The following PGGHG variants were observed in gnomAD, a reference collection of about 807,000 sequenced individuals.
PGGHG encodes the protein protein-glucosylgalactosylhydroxylysine glucosidase, also known as ATH1, acid trehalase-like 1.
PGGHG carries 67 observed loss-of-function variants against 74.5 expected under a neutral mutation model. The observed-to-expected ratio is 0.90, with a 90% CI of 0.74 to 1.10. The LOEUF (loss-of-function observed/expected upper bound fraction) is 1.10. Among genes scored for constraint, PGGHG ranks in the 50% least tolerant of loss-of-function variants. The pLI is 0.00. For synonymous variants in PGGHG, 496 were observed against 419.9 expected, an observed-to-expected ratio of 1.18 and a Z score of -2.21; for missense variants, 1,034 against 981.5, an observed-to-expected ratio of 1.05 and a Z score of -0.72.
chr11:291,150 G>A (rs1845708902), intron 4 of PGGHG, 37 bp downstream of exon 4: 1 of 1,524,830 alleles, frequency 6.6e-7, no homozygotes, highest in Non-Finnish European at 8.8e-7. Context: ...CACACAGCAG[G>A]CGACACATGG....
At position 289,473 on chromosome 11, in the gene PGGHG, C is replaced by G. The variant is rs930717283; in HGVS notation, c.-14+234C>G. 8.7e-5 allele frequency: 21 copies of G among 240,428 alleles called. No individual in the cohort carries two copies. Among genetic ancestry groups the G allele is most frequent in the Non-Finnish European group, 5.7e-5 (7 of 123,178 alleles). 14.9% of individuals were successfully genotyped at this position (240,428 alleles called of 1,614,324 possible). A position where few individuals can be genotyped will look rare whatever the true frequency, so the allele number is the denominator to read the frequency against. ...ACGTGCCACCAACAGACGCAGGTCC[C>G]GACCACAGAGGGTGGGGGCAAGACC... On this transcript the variant is annotated intron_variant, in intron 1 of 13. Coordinates refer to ENST00000409548, the MANE Select transcript of PGGHG (RefSeq NM_025092.5). The surrounding 1 kb of genome is among the most constrained non-coding windows in gnomAD (Gnocchi z 5.6).
chr11:293,180 G>A lies in PGGHG; in HGVS notation c.1288G>A (p.Glu430Lys), dbSNP rs770451652. ...YHLRGVMSPD[E>K]YHSGVNNSVY... Reference sequence around the variant, plus strand: ...GTGTCCAGGAGTCATGTCCCCCGACGAGTACCATTCAGGGGTCAACAACTC... The same window carrying A: ...GTGTCCAGGAGTCATGTCCCCCGACAAGTACCATTCAGGGGTCAACAACTC... Residue 430 changes from glutamate to lysine, a missense_variant, in exon 8 of 14, where the codon GAG (glutamate) becomes AAG (lysine). Coordinates refer to ENST00000409548, the MANE Select transcript of PGGHG (RefSeq NM_025092.5). 1.1e-5 allele frequency: 17 copies of A among 1,613,744 alleles called. No individual in the cohort carries two copies. Among genetic ancestry groups the A allele is most frequent in the Admixed American group, 3.3e-5 (2 of 60,004 alleles).
intron 4 of PGGHG, 31 bp downstream of exon 4, chr11:291,144 C>T (rs760514253): frequency 1.3e-6 from 2 of 1,527,172 alleles, no homozygotes; most frequent in Non-Finnish European, 1.8e-6. Flanking sequence ...ACCAGCCACA[C>T]AGCAGGCGAC....
Position 290,467 on chromosome 11 carries a change from G to A in PGGHG, c.337G>A (p.Val113Met), listed in dbSNP as rs1017476805. The change falls in exon 3 of 14, where the codon GTG becomes ATG. Residue 113 changes from valine to methionine, a missense_variant. Physicochemically the swap from Val to Met is conservative, Grantham distance 21. Coordinates refer to ENST00000409548, the MANE Select transcript of PGGHG (RefSeq NM_025092.5). Reference protein sequence around the residue: ...CIYAHRTLPHVLAFRVSIARL... With the variant: ...CIYAHRTLPHMLAFRVSIARL... The stretch of plus-strand genomic sequence containing the variant: ...CTATGCGCATCGCACGCTGCCCCAC[G>A]TGCTGGCTTTCCGAGTGTCCATCGC... 1.2e-5 allele frequency: 18 copies of A among 1,549,832 alleles called. No homozygotes were observed. Among genetic ancestry groups the A allele is most frequent in the South Asian group, 9.5e-5 (8 of 84,054 alleles).
In PGGHG at chr11:293,212, C is replaced by G; in HGVS notation, c.1320C>G (p.Tyr440Ter). 1 of 1,613,766 alleles carries G rather than the reference C, an allele frequency of 6.2e-7. No individual in the cohort carries two copies. ...EYHSGVNNSV[Y>*]TNVLVQNSLR... is the part of the protein sequence containing the mutation. Reference sequence around the variant, plus strand: ...ATTCAGGGGTCAACAACTCTGTGTACACCAACGTCCTGGTCCAGAACAGGT... The same window carrying G: ...ATTCAGGGGTCAACAACTCTGTGTAGACCAACGTCCTGGTCCAGAACAGGT... Residue 440 changes from tyrosine (Y) to a stop codon, truncating the protein, a stop_gained, in exon 8 of 14, where the codon TAC (tyrosine) becomes TAG (stop). Coordinates refer to ENST00000409548, the MANE Select transcript of PGGHG (RefSeq NM_025092.5). LOFTEE classifies it high-confidence loss of function.
At position 293,643 on chromosome 11, in the gene PGGHG, C is replaced by T. The variant is rs904253653; in HGVS notation, c.1530C>T (p.Pro510=). Residue 510 remains proline (P), a synonymous_variant, in exon 10 of 14, where the codon CCC becomes CCT. Transcript: ENST00000409548. ...ADVVLLGYPV[P]FSLSPDVRRK... ...TCGTGCTCCTGGGATACCCAGTCCC[C>T]TTCTCCCTGAGTCCTGATGTTCGCA... is the stretch of plus-strand genomic sequence containing the variant. The T allele has an allele frequency of 6.2e-7, 1 of 1,613,466 alleles. No homozygotes were observed. Among genetic ancestry groups the T allele is most frequent in the East Asian group, 2.2e-5 (1 of 44,896 alleles).
At chr11:293,108 G>A (rs776583068) in intron 7 of PGGHG, 55 bp from the exon 8 acceptor site, 3 of 1,613,930 alleles carry the variant, frequency 1.9e-6, no homozygotes, top group Non-Finnish European at 2.5e-6. Flanking sequence ...CACCGGCGTG[G>A]AGGGAAGGCC....
Position 290,111 on chromosome 11 carries a change from G to A in PGGHG, c.259+36G>A, listed in dbSNP as rs1233676661. On this transcript the variant is annotated intron_variant, in intron 2 of 13. Transcript: ENST00000409548. ...CTGGCCTGCCTCACCCCTGCCCCAGGCATTGTTCCAGGTCGGTGGGGCAAC... is the reference window on the plus strand; with the variant it reads ...CTGGCCTGCCTCACCCCTGCCCCAGACATTGTTCCAGGTCGGTGGGGCAAC... 4 of 1,494,204 alleles carry A rather than the reference G, an allele frequency of 2.7e-6. No homozygotes were observed. The Admixed American group carries it at 8.4e-5, about 31-fold the overall frequency. 92.6% of individuals were successfully genotyped at this position (1,494,204 alleles called of 1,614,324 possible). A position where few individuals can be genotyped will look rare whatever the true frequency, so the allele number is the denominator to read the frequency against.
In PGGHG at chr11:290,748, A is replaced by G; in HGVS notation, c.541A>G (p.Thr181Ala). Residue 181 changes from threonine (T) to alanine (A), a missense_variant, in exon 4 of 14, where the codon ACA becomes GCA. Transcript: ENST00000409548. ...GPQQEVHMLW[T>A]PAPPDLTLGE... Reference sequence around the variant, plus strand: ...ACAGCAAGAGGTACACATGCTGTGGACACCAGCACCCCCAGACCTGACCCT... The same window carrying G: ...ACAGCAAGAGGTACACATGCTGTGGGCACCAGCACCCCCAGACCTGACCCT... 6.2e-7 allele frequency: 1 copy of G among 1,610,984 alleles called. No individual in the cohort carries two copies. Among genetic ancestry groups the G allele is most frequent in the Non-Finnish European group, 8.5e-7 (1 of 1,178,790 alleles).
chr11:293,776 C>G, intron 10 of PGGHG, 49 bp downstream of exon 10: 1 of 1,613,428 alleles, frequency 6.2e-7, no homozygotes, highest in East Asian at 2.2e-5. Flanking sequence ...CCTCAGTCTT[C>G]TCTGCCCACG....
chr11:292,450 C>T, intron 5 of PGGHG, 96 bp from the exon 6 acceptor site: 4 of 1,494,460 alleles, frequency 2.7e-6, no homozygotes, highest in Non-Finnish European at 3.7e-6. Flanking sequence ...CTGGCGCAGG[C>T]CGAGCCCCCC....
Position 293,727 on chromosome 11 carries a change from G to T in PGGHG, c.1614G>T (p.Trp538Cys), listed in dbSNP as rs1399832098. ...CCCCCCAGGGCCCCGCCATGACCTGGGTGAGCACCCTGGGGCTGTGGAGTT... is the reference window on the plus strand; with the variant it reads ...CCCCCCAGGGCCCCGCCATGACCTGTGTGAGCACCCTGGGGCTGTGGAGTT... Reference protein sequence around the residue: ...VTSPQGPAMTWSMFAVGWMEL... With the variant: ...VTSPQGPAMTCSMFAVGWMEL... The change falls in exon 10 of 14, where the codon TGG becomes TGT. Residue 538 changes from tryptophan to cysteine, a missense_variant and splice_region_variant. By Grantham distance (215) the Trp-to-Cys change is radical. Coordinates refer to ENST00000409548, the MANE Select transcript of PGGHG (RefSeq NM_025092.5). The T allele has an allele frequency of 6.2e-7, 1 of 1,613,188 alleles. No individual in the cohort carries two copies. Among genetic ancestry groups the T allele is most frequent in the Admixed American group, 1.7e-5 (1 of 59,998 alleles).
intron 2 of PGGHG, 123 bp from the exon 3 acceptor site, chr11:290,267 G>A (rs1287806196): frequency 2.6e-5 from 35 of 1,357,092 alleles, no homozygotes; most frequent in Middle Eastern, 2.6e-4. Context: ...TAGCGGGAAC[G>A]AGCAGCCGAG....
rs1161312541 is a variant in PGGHG, at chr11:293,850, G to T, written c.1635G>T (p.Trp545Cys). ...CCCAGAGCATGTTTGCTGTGGGCTG[G>T]ATGGAGCTGAAGGACGCAGTGCGGG... ...AMTWSMFAVGWMELKDAVRAR... is the reference protein window; with the variant it reads ...AMTWSMFAVGCMELKDAVRAR... Residue 545 changes from tryptophan to cysteine, a missense_variant, in exon 11 of 14, where the codon TGG (tryptophan) becomes TGT (cysteine). Trp to Cys is a radical substitution (Grantham distance 215, BLOSUM62 -2). Coordinates refer to ENST00000409548, the MANE Select transcript of PGGHG (RefSeq NM_025092.5). 1 of 1,613,742 alleles carries T rather than the reference G, an allele frequency of 6.2e-7. No individual in the cohort carries two copies. Among genetic ancestry groups the T allele is most frequent in the Admixed American group, 1.7e-5 (1 of 60,022 alleles).
Position 294,202 on chromosome 11 carries a change from TGCAGAGGCTGGCAGAGG to T in PGGHG, c.1808+11_1808+27del, listed in dbSNP as rs753033502. 1 of 1,605,202 alleles carries T rather than the reference TGCAGAGGCTGGCAGAGG, an allele frequency of 6.2e-7. No individual in the cohort carries two copies. The highest frequency in any genetic ancestry group is 1.3e-5 in the African/African-American group (1 of 74,780). ...TTCGGGTGCACGGGGTTCAGGTAAG[TGCAGAGGCTGGCAGAGG>T]GCAGCCCATGCCCCCACCTGCCACC... On this transcript the variant is annotated splice_region_variant and intron_variant, in intron 12 of 13. Transcript: ENST00000409548.
chr11:293,723 C>T lies in PGGHG; in HGVS notation c.1610C>T (p.Thr537Ile), dbSNP rs142965021. ...AVTSPQGPAM[T>I]WSMFAVGWME... Reference sequence around the variant, plus strand: ...ACGTCCCCCCAGGGCCCCGCCATGACCTGGGTGAGCACCCTGGGGCTGTGG... The same window carrying T: ...ACGTCCCCCCAGGGCCCCGCCATGATCTGGGTGAGCACCCTGGGGCTGTGG... The change falls in exon 10 of 14, where the codon ACC becomes ATC. Residue 537 changes from threonine to isoleucine, a missense_variant. Transcript: ENST00000409548. The T allele has an allele frequency of 1.9e-6, 3 of 1,613,370 alleles. No homozygotes were observed. The African/African-American group carries it at 4.0e-5, about 22-fold the overall frequency.
In PGGHG at chr11:294,603, C is replaced by G; in HGVS notation, c.2068C>G (p.Pro690Ala). Residue 690 changes from proline to alanine, a missense_variant, in exon 14 of 14, where the codon CCC becomes GCC. Transcript: ENST00000409548. ...CTCGGCTGGCCGGATACAAATGTCACCCCCGAAGCTGCCTGGAAGTTCCAG... is the reference window on the plus strand; with the variant it reads ...CTCGGCTGGCCGGATACAAATGTCAGCCCCGAAGCTGCCTGGAAGTTCCAG... ...PRSAGRIQMS[P>A]PKLPGSSSSE... 1 of 1,612,762 alleles carries G rather than the reference C, an allele frequency of 6.2e-7. No individual in the cohort carries two copies. Among genetic ancestry groups the G allele is most frequent in the African/African-American group, 1.3e-5 (1 of 74,382 alleles).
At chr11:291,340 G>C (rs980455955) in intron 4 of PGGHG, 3 of 530,040 alleles carry the variant, frequency 5.7e-6, no homozygotes, top group Non-Finnish European at 9.6e-6. Flanking sequence ...TCCAGAGCGT[G>C]GGGAGGGGCC....
rs1411010916 is a variant in PGGHG, at chr11:293,833, A to C, written c.1618A>C (p.Met540Leu). The C allele has an allele frequency of 1.2e-6, 2 of 1,613,526 alleles. No homozygotes were observed. The highest frequency in any genetic ancestry group is 2.7e-5 in the African/African-American group (2 of 74,916). Residue 540 changes from methionine (M) to leucine (L), a missense_variant, in exon 11 of 14, where the codon ATG becomes CTG. Physicochemically the swap from Met to Leu is conservative, Grantham distance 15. Coordinates refer to ENST00000409548, the MANE Select transcript of PGGHG (RefSeq NM_025092.5). ...GTCCTCTTACCTCTGACCCCAGAGC[A>C]TGTTTGCTGTGGGCTGGATGGAGCT... ...SPQGPAMTWS[M>L]FAVGWMELKD...
Sources: gnomAD v4.1 joint callset for allele counts on GRCh38, gnomAD v4.1.1 for gene constraint, Gnocchi (gnomAD v3.1) non-coding constraint, MANE v1.5 for transcripts, NCBI Gene and HGNC (gene_info 2026-07-23, HGNC 2026-07-21) for gene names.